The following SERPINI2 variants were observed in gnomAD, a reference collection of about 807,000 sequenced individuals.
The protein encoded by SERPINI2 is serpin I2.
Under a neutral mutation model 47.3 loss-of-function variants are expected in SERPINI2, and 48 were observed. The observed-to-expected ratio is 1.02, with a 90% confidence interval of 0.81 to 1.29. The LOEUF (loss-of-function observed/expected upper bound fraction) is 1.29, where lower values mean the gene tolerates loss of function less well. SERPINI2 is among the 50% of genes most tolerant of loss of function. The pLI, the probability that SERPINI2 is intolerant of heterozygous loss-of-function variation, is 0.00. For synonymous variants in SERPINI2, 135 were observed against 149.3 expected (o/e 0.90, Z 0.70); for missense variants, 448 against 456.9 (o/e 0.98, Z 0.18).
upstream of SERPINI2, among the ~76,000 whole-genome samples, chr3:167,474,852 A>G (rs1750444741): frequency 6.6e-6 from 1 of 151,758 alleles, no homozygotes; most frequent in African/African-American, 2.4e-5. Context: ...TTATTTATCT[A>G]TAGCCTTTGA....
chr3:167,446,234 C>T (rs1361557060), intron 8 of SERPINI2, among the ~76,000 whole-genome samples, 158 bp downstream of exon 8: 1 of 151,458 alleles, frequency 6.6e-6, no homozygotes, highest in Non-Finnish European at 1.5e-5. Context: ...TTTTAGGCCT[C>T]GGTCATCTCT....
Position 167,460,013 on chromosome 3 carries a change from G to A in SERPINI2, c.866+5193C>T, listed in dbSNP as rs376827297. Among the ~76,000 whole-genome samples the A allele has an allele frequency of 2.6e-5, 4 of 152,288 alleles. No homozygotes were observed. In the East Asian group the frequency reaches 5.8e-4, roughly 22 times the overall value. On this transcript the variant is annotated intron_variant, in intron 5 of 8. Coordinates refer to ENST00000264677, the Ensembl canonical transcript of SERPINI2. Reference sequence around the variant, plus strand: ...CAGCCACTATCGGAAGGTAGGAAGAGGCAAGGAAGGATTCTCCTAACGGTC... The same window carrying A: ...CAGCCACTATCGGAAGGTAGGAAGAAGCAAGGAAGGATTCTCCTAACGGTC...
chr3:167,442,979 AT>A (rs1462860347), intron 8 of SERPINI2, among the ~76,000 whole-genome samples: 1 of 152,264 alleles, frequency 6.6e-6, no homozygotes, highest in East Asian at 1.9e-4. Context: ...ATTTAAATGC[AT>A]TTGAAATAAT....
chr3:167,443,481 AAAG>A (rs1409406878), intron 8 of SERPINI2, among the ~76,000 whole-genome samples: 5 of 152,230 alleles, frequency 3.3e-5, no homozygotes, highest in Admixed American at 3.3e-4. Flanking sequence ...ATTCTGGAAA[AAAG>A]AAAACAAATA....
At chr3:167,463,921 G>A (rs563314671) in intron 5 of SERPINI2, among the ~76,000 whole-genome samples, 24 of 151,892 alleles carry the variant, frequency 1.6e-4, no homozygotes, top group African/African-American at 5.1e-4. Flanking sequence ...CTCTAGTCTC[G>A]GTAAAGCCAG....
At chr3:167,474,868 GA>G (rs374013531), upstream of SERPINI2, among the ~76,000 whole-genome samples, 183 of 151,386 alleles carry the variant, frequency 1.2e-3, 3 homozygotes, top group East Asian at 0.02. Flanking sequence ...TTTGAGAAGA[GA>G]AAAAAAATTT....
At chr3:167,464,010 T>TTTTA (rs1553856083) in intron 5 of SERPINI2, among the ~76,000 whole-genome samples, 1 of 75,244 alleles carries the variant, frequency 1.3e-5, no homozygotes, top group Non-Finnish European at 2.5e-5. Context: ...CAGGAGTGGC[T>TTTTA]TTTTTTTTTT....
chr3:167,446,447 T>A (rs1012002826), exon 8 of SERPINI2: 1 of 1,610,244 alleles, frequency 6.2e-7, no homozygotes, highest in African/African-American at 1.3e-5. Context: ...TAAATTGGCT[T>A]TGAGCCAGAC....
At chr3:167,458,754 G>A (rs1262860477) in intron 5 of SERPINI2, among the ~76,000 whole-genome samples, 1 of 152,160 alleles carries the variant, frequency 6.6e-6, no homozygotes, top group Non-Finnish European at 1.5e-5. Context: ...TGACCCAATA[G>A]ACACGAGAGC....
intron 5 of SERPINI2, among the ~76,000 whole-genome samples, chr3:167,463,202 C>A (rs1487508959): frequency 6.6e-6 from 1 of 150,546 alleles, no homozygotes; most frequent in African/African-American, 2.4e-5. Flanking sequence ...TGAAAATAAA[C>A]AATTTAATTT....
intron 7 of SERPINI2, chr3:167,446,891 A>T (rs1749495403): frequency 6.6e-6 from 1 of 152,520 alleles, no homozygotes; most frequent in Non-Finnish European, 1.5e-5. Flanking sequence ...TGGTAATCAC[A>T]TCTGAGCTCA....
chr3:167,442,903 C>T (rs994643042), intron 8 of SERPINI2, among the ~76,000 whole-genome samples: 2 of 152,030 alleles, frequency 1.3e-5, no homozygotes, highest in Non-Finnish European at 2.9e-5. Flanking sequence ...TCCTTATGCT[C>T]GGATGTCATA....
chr3:167,465,627 A>T, exon 4 of SERPINI2: 1 of 1,611,944 alleles, frequency 6.2e-7, no homozygotes, highest in South Asian at 1.1e-5. Flanking sequence ...GGACAAGCCG[A>T]GTCAGAGGGC....
intron 7 of SERPINI2, among the ~76,000 whole-genome samples, chr3:167,447,199 G>C (rs1469065698): frequency 1.3e-5 from 2 of 151,918 alleles, no homozygotes; most frequent in Non-Finnish European, 2.9e-5. Context: ...GTTATTTTCA[G>C]ACCCCAGGAA....
In SERPINI2 at chr3:167,465,193, TAAC is replaced by T. The variant is rs780561468; in HGVS notation, c.866+10_866+12del. 1.9e-6 allele frequency: 3 copies of T among 1,593,212 alleles called. No individual in the cohort carries two copies. In the Admixed American group the frequency reaches 5.6e-5, roughly 30 times the overall value. On this transcript the variant is annotated intron_variant, in intron 5 of 8. Coordinates refer to ENST00000264677, the Ensembl canonical transcript of SERPINI2. Reference sequence around the variant, plus strand: ...AAACGTAAGAACTCGTATAATAAAATAACATCACCAACCTAGGGAGGCTTATTT... The same window carrying T: ...AAACGTAAGAACTCGTATAATAAAATATCACCAACCTAGGGAGGCTTATTT...
chr3:167,465,168 A>G (rs779017192), intron 5 of SERPINI2, 38 bp downstream of exon 5: 1 of 1,536,846 alleles, frequency 6.5e-7, no homozygotes, highest in Non-Finnish European at 8.8e-7. Flanking sequence ...ATGTGAGTGG[A>G]AACGTAAGAA....
intron 3 of SERPINI2, among the ~76,000 whole-genome samples, 199 bp from the exon 4 acceptor site, chr3:167,465,872 T>C (rs1209920981): frequency 6.6e-6 from 1 of 152,186 alleles, no homozygotes; most frequent in Non-Finnish European, 1.5e-5. Context: ...AAATGGAATT[T>C]CACTACGAAA....
In SERPINI2 at chr3:167,456,320, C is replaced by T. The variant is rs150865498; in HGVS notation, c.867-3287G>A. Among the ~76,000 whole-genome samples, 42 of 152,220 alleles carry T rather than the reference C, an allele frequency of 2.8e-4. No homozygotes were observed. In the South Asian group the frequency reaches 4.2e-3, roughly 15 times the overall value. On this transcript the variant is annotated intron_variant, in intron 5 of 8. Transcript: ENST00000264677. ...TCCATGTCCAATAGGTCAAAGTAAACGAACATTTTGTAATCACTACTGCAG... is the reference window on the plus strand; with the variant it reads ...TCCATGTCCAATAGGTCAAAGTAAATGAACATTTTGTAATCACTACTGCAG...
intron 8 of SERPINI2, 119 bp downstream of exon 8, chr3:167,446,273 C>A: frequency 1.6e-6 from 1 of 623,900 alleles, no homozygotes; most frequent in Non-Finnish European, 2.7e-6. Context: ...ATATAAAATG[C>A]ACTTAACAAA....
Sources: gnomAD v4.1 joint callset for allele counts (sites outside exome capture counted in the v4.1 genomes callset) on GRCh38, gnomAD v4.1.1 for gene constraint, MANE v1.5 for transcripts, NCBI Gene and HGNC (gene_info 2026-07-23, HGNC 2026-07-21) for gene names.